FAM78B: variants seen among roughly 807,000 people sequenced by gnomAD.
The protein encoded by FAM78B is family with sequence similarity 78 member B.
FAM78B carries 10 observed loss-of-function variants against 20.0 expected under a neutral mutation model. The ratio of observed to expected loss-of-function variants is 0.50; its 90% CI spans 0.31 to 0.85. FAM78B has a LOEUF of 0.85. FAM78B is among the 40% of genes least tolerant of loss of function. FAM78B has a pLI of 0.05. For missense variants in FAM78B, 283 were observed against 345.0 expected, an observed-to-expected ratio of 0.82 and a Z score of 1.42; for synonymous variants, 135 against 132.8, an observed-to-expected ratio of 1.02 and a Z score of -0.12.
At position 166,141,252 on chromosome 1, in the gene FAM78B, A is replaced by T. The variant is rs144060036; in HGVS notation, c.263+24734T>A. Among the ~76,000 whole-genome samples, 3 of 152,356 alleles carry T rather than the reference A, an allele frequency of 2.0e-5. 1 individual carries two copies. The highest frequency in any genetic ancestry group is 4.1e-4 in the South Asian group (2 of 4,832). Reference sequence around the variant, plus strand: ...TCTCTGCCCTCATGGTCTCTAGTGGAAGACATAGACAAGATGCATGTACAG... The same window carrying T: ...TCTCTGCCCTCATGGTCTCTAGTGGTAGACATAGACAAGATGCATGTACAG... On this transcript the variant is annotated intron_variant, in intron 1 of 1. Transcript: ENST00000354422.
At chr1:166,103,569 A>C (rs1353551673) in intron 1 of FAM78B, among the ~76,000 whole-genome samples, 1 of 152,256 alleles carries the variant, frequency 6.6e-6, no homozygotes, top group South Asian at 2.1e-4. Flanking sequence ...AGAATACTAT[A>C]AACACCTCTA....
chr1:166,122,824 T>C (rs1654509472), intron 1 of FAM78B, among the ~76,000 whole-genome samples: 1 of 152,240 alleles, frequency 6.6e-6, no homozygotes, highest in Non-Finnish European at 1.5e-5. Context: ...CCCCCTTCTT[T>C]GGCCATTTCC....
At chr1:166,090,179 C>T (rs182804901) in intron 1 of FAM78B, among the ~76,000 whole-genome samples, 1 of 152,288 alleles carries the variant, frequency 6.6e-6, no homozygotes, top group Non-Finnish European at 1.5e-5. Context: ...TACTTTCTGG[C>T]CCTGAACTCC....
At chr1:166,154,281 A>AG (rs915817109) in intron 1 of FAM78B, among the ~76,000 whole-genome samples, 1 of 152,164 alleles carries the variant, frequency 6.6e-6, no homozygotes, top group Non-Finnish European at 1.5e-5. Context: ...GGCTAGGGTA[A>AG]GGGGGGTATT....
At chr1:166,160,376 G>C (rs1451339944) in intron 1 of FAM78B, among the ~76,000 whole-genome samples, 2 of 152,206 alleles carry the variant, frequency 1.3e-5, no homozygotes, top group Non-Finnish European at 2.9e-5. Context: ...GTCTCCTTGG[G>C]TACACACTGA....
chr1:166,093,149 C>G (rs951552371), intron 1 of FAM78B, among the ~76,000 whole-genome samples: 3 of 152,086 alleles, frequency 2.0e-5, no homozygotes, highest in Admixed American at 6.5e-5. Context: ...TGTAAATAAA[C>G]ACCTATTAAA....
At chr1:166,122,684 T>G (rs1309911877) in intron 1 of FAM78B, among the ~76,000 whole-genome samples, 1 of 152,204 alleles carries the variant, frequency 6.6e-6, no homozygotes, top group Non-Finnish European at 1.5e-5. Context: ...TGTTATTTGA[T>G]CTCTCTGAAC....
chr1:166,101,614 T>C (rs940455619), intron 1 of FAM78B, among the ~76,000 whole-genome samples: 6 of 152,152 alleles, frequency 3.9e-5, no homozygotes, highest in South Asian at 2.1e-4. Context: ...GTATCAGTGA[T>C]TGAAGATCAA....
At chr1:166,157,928 C>T (rs975039732) in intron 1 of FAM78B, among the ~76,000 whole-genome samples, 2 of 152,182 alleles carry the variant, frequency 1.3e-5, no homozygotes, top group African/African-American at 4.8e-5. Context: ...TTATTCCCTG[C>T]TGTCTTTACT....
chr1:166,165,704 C>G (rs567378640), intron 1 of FAM78B, among the ~76,000 whole-genome samples: 1 of 152,274 alleles, frequency 6.6e-6, no homozygotes, highest in African/African-American at 2.4e-5. Flanking sequence ...CTCCGCCTCT[C>G]GAACCCTCCT....
intron 1 of FAM78B, among the ~76,000 whole-genome samples, chr1:166,126,651 G>T (rs909578722): frequency 2.0e-5 from 3 of 152,132 alleles, no homozygotes; most frequent in African/African-American, 7.2e-5. Context: ...AGTGATGATG[G>T]AGAAGATGAG....
intron 1 of FAM78B, among the ~76,000 whole-genome samples, chr1:166,104,215 G>A (rs1368340192): frequency 6.6e-6 from 1 of 152,090 alleles, no homozygotes; most frequent in African/African-American, 2.4e-5. Flanking sequence ...AAAATAATAA[G>A]AGCTATTTAT....
chr1:166,120,727 G>T (rs1208292493), intron 1 of FAM78B, among the ~76,000 whole-genome samples: 1 of 150,022 alleles, frequency 6.7e-6, no homozygotes, highest in African/African-American at 2.4e-5. Context: ...ATGAAAACAG[G>T]AGGAGCTAAG....
At chr1:166,119,326 T>C (rs1203958378) in intron 1 of FAM78B, among the ~76,000 whole-genome samples, 1 of 152,232 alleles carries the variant, frequency 6.6e-6, no homozygotes, top group East Asian at 1.9e-4. Flanking sequence ...TTCAGTGGCA[T>C]CTGCTACAAA....
At chr1:166,133,085 G>A (rs79711277) in intron 1 of FAM78B, among the ~76,000 whole-genome samples, 1 of 152,318 alleles carries the variant, frequency 6.6e-6, no homozygotes, top group Non-Finnish European at 1.5e-5. Flanking sequence ...TAGGATCTTG[G>A]CAGGGCAAGG....
intron 1 of FAM78B, among the ~76,000 whole-genome samples, chr1:166,144,988 C>G (rs1037193342): frequency 1.1e-4 from 16 of 152,140 alleles, no homozygotes; most frequent in African/African-American, 3.6e-4. Context: ...GACTCACCAC[C>G]ACCTACCAGA....
At chr1:166,089,207 A>T (rs1362244917) in intron 1 of FAM78B, among the ~76,000 whole-genome samples, 3 of 152,204 alleles carry the variant, frequency 2.0e-5, no homozygotes, top group Admixed American at 2.0e-4. Flanking sequence ...TCTGCTATAG[A>T]ACTGCATCTT....
intron 1 of FAM78B, among the ~76,000 whole-genome samples, chr1:166,095,502 T>C (rs1653242976): frequency 6.6e-6 from 1 of 152,104 alleles, no homozygotes; most frequent in Admixed American, 6.6e-5. Flanking sequence ...TTTGGGGGCA[T>C]GTGTACTCTT....
chr1:166,106,361 A>C (rs552225324), intron 1 of FAM78B, among the ~76,000 whole-genome samples: 1 of 151,354 alleles, frequency 6.6e-6, no homozygotes, highest in East Asian at 2.0e-4. Flanking sequence ...AAAAAAAAAG[A>C]AAATGTAGTA....
Sources: gnomAD v4.1 joint callset for allele counts (sites outside exome capture counted in the v4.1 genomes callset) on GRCh38, gnomAD v4.1.1 for gene constraint, MANE v1.5 for transcripts, NCBI Gene and HGNC (gene_info 2026-07-23, HGNC 2026-07-21) for gene names.